IL16: variants seen among roughly 807,000 people sequenced by gnomAD.
The protein encoded by IL16 is interleukin 16.
A neutral mutation model predicts 110.1 loss-of-function variants in IL16; 67 were observed. That is an observed-to-expected ratio of 0.61 (90% confidence interval 0.50 to 0.75). The LOEUF is 0.75. Ranked by LOEUF, IL16 falls within the 30% of genes least tolerant of loss-of-function variation. The pLI is 0.00. For missense variants in IL16, 1,545 were observed against 1,655.0 expected, an observed-to-expected ratio of 0.93 and a Z score of 1.15; for synonymous variants, 689 against 662.9, an observed-to-expected ratio of 1.04 and a Z score of -0.61.
upstream of IL16, among the ~76,000 whole-genome samples, chr15:81,193,865 A>C (rs1895538147): frequency 6.6e-6 from 1 of 152,208 alleles, no homozygotes; most frequent in African/African-American, 2.4e-5. Flanking sequence ...AAATGCAGAG[A>C]GAATTTATTA....
At chr15:81,191,211 G>A (rs1330699000) in intron 1 of IL16, among the ~76,000 whole-genome samples, 1 of 152,214 alleles carries the variant, frequency 6.6e-6, no homozygotes, top group Non-Finnish European at 1.5e-5. Flanking sequence ...TAACCGGAGG[G>A]TCATGAATGC....
intron 3 of IL16, among the ~76,000 whole-genome samples, chr15:81,262,984 A>G (rs903842682): frequency 1.9e-4 from 29 of 152,074 alleles, no homozygotes; most frequent in African/African-American, 5.6e-4. Context: ...GATCATATTT[A>G]TTTTTACTTA....
intron 10 of IL16, among the ~76,000 whole-genome samples, chr15:81,287,859 G>A (rs1469561251): frequency 6.6e-6 from 1 of 152,192 alleles, no homozygotes; most frequent in Non-Finnish European, 1.5e-5. Context: ...TCTTAATTAA[G>A]GCAAACAAAT....
At chr15:81,306,380 G>T in intron 17 of IL16, 40 bp from the exon 18 acceptor site, 1 of 1,609,030 alleles carries the variant, frequency 6.2e-7, no homozygotes, top group Admixed American at 1.7e-5. Context: ...TGGCCTGGGA[G>T]AGGAGAGGAT....
chr15:81,279,500 TTTC>T, intron 7 of IL16, 55 bp from the exon 8 acceptor site: 1 of 1,256,514 alleles, frequency 8.0e-7, no homozygotes, highest in Non-Finnish European at 1.1e-6. Flanking sequence ...TTAAACAGTA[TTTC>T]TTCATCTCAC....
intron 3 of IL16, among the ~76,000 whole-genome samples, chr15:81,263,294 A>G (rs1596006937): frequency 6.6e-6 from 1 of 151,094 alleles, no homozygotes. Flanking sequence ...TAGCTCTAAT[A>G]TAGCTTTTTT....
At chr15:81,306,722 T>C in intron 18 of IL16, 177 bp downstream of exon 18, 1 of 751,174 alleles carries the variant, frequency 1.3e-6, no homozygotes. Flanking sequence ...TCTCCTTTGC[T>C]CAGACATCCC....
intron 14 of IL16, 36 bp downstream of exon 14, chr15:81,300,511 C>T (rs758767718): frequency 7.3e-7 from 1 of 1,363,788 alleles, no homozygotes; most frequent in Non-Finnish European, 1.0e-6. Flanking sequence ...CTTTACCTTT[C>T]TCATCTTTTT....
Position 81,296,940 on chromosome 15 carries a change from C to G in IL16, c.1915C>G (p.Leu639Val). The change falls in exon 13 of 19, where the codon CTG becomes GTG. Residue 639 changes from leucine to valine, a missense_variant. Leu to Val is a conservative substitution (Grantham distance 32). Coordinates refer to ENST00000683961, the MANE Select transcript of IL16 (RefSeq NM_172217.5). ...PPTCGQEARE[L>V]LPLLLPQEDT... ...GTTTACACCACAGGAAGCGAGAGAGCTGCTGCCACTGCTGCTACCACAGGA... is the reference window on the plus strand; with the variant it reads ...GTTTACACCACAGGAAGCGAGAGAGGTGCTGCCACTGCTGCTACCACAGGA... The G allele has an allele frequency of 1.2e-6, 2 of 1,610,856 alleles. No individual in the cohort carries two copies. Among genetic ancestry groups the G allele is most frequent in the Non-Finnish European group, 1.7e-6 (2 of 1,178,606 alleles).
intron 5 of IL16, among the ~76,000 whole-genome samples, chr15:81,272,114 C>T (rs1898668654): frequency 6.6e-6 from 1 of 152,208 alleles, no homozygotes; most frequent in Non-Finnish European, 1.5e-5. Flanking sequence ...TGAGCACCTG[C>T]CTGAGGCCAG....
intron 2 of IL16, among the ~76,000 whole-genome samples, chr15:81,241,513 A>T (rs1897336309): frequency 6.6e-6 from 1 of 152,152 alleles, no homozygotes; most frequent in South Asian, 2.1e-4. Flanking sequence ...TCATTAGATT[A>T]GTTCCCAGGC....
rs1900703642 is a variant in IL16, at chr15:81,308,784, G to T, written c.3985G>T (p.Ala1329Ser). The change falls in exon 19 of 19, where the codon GCT (alanine) becomes TCT (serine). Residue 1329 changes from alanine (A) to serine (S), a missense_variant. By Grantham distance (99) the Ala-to-Ser change is moderately conservative. Around this residue, in one of 3 missense-constraint regions of IL16, gnomAD observed 356 missense variants for 399.3 expected, o/e 0.89. Transcript: ENST00000683961. Reference sequence around the variant, plus strand: ...CCTCCAGTCCAAGGAAACCACAGCTGCTGGAGACTCCTAGGCAGGACATGC... The same window carrying T: ...CCTCCAGTCCAAGGAAACCACAGCTTCTGGAGACTCCTAGGCAGGACATGC... ...KSLQSKETTAAGDS is the reference protein window; with the variant it reads ...KSLQSKETTASGDS The T allele has an allele frequency of 1.2e-6, 2 of 1,612,852 alleles. No homozygotes were observed. The highest frequency in any genetic ancestry group is 1.7e-6 in the Non-Finnish European group (2 of 1,179,710).
At chr15:81,271,279 A>G (rs2142244983) in intron 5 of IL16, among the ~76,000 whole-genome samples, 1 of 150,134 alleles carries the variant, frequency 6.7e-6, no homozygotes, top group African/African-American at 2.4e-5. Flanking sequence ...AAAATAAATT[A>G]AATAAAATAA....
At chr15:81,296,568 C>A (rs556342965) in intron 12 of IL16, among the ~76,000 whole-genome samples, 26 of 152,310 alleles carry the variant, frequency 1.7e-4, no homozygotes, top group African/African-American at 6.0e-4. Flanking sequence ...CTGCCCTATA[C>A]CCTCCCGGGG....
chr15:81,290,438 A>T lies in IL16; in HGVS notation c.1333-15A>T. ...CTTCTACTGTTTGTTTGAGGAGATG[A>T]CTGATATTTTCTAGGTCTCTGAACA... is the stretch of plus-strand genomic sequence containing the variant. On this transcript the variant is annotated splice_polypyrimidine_tract_variant and intron_variant, in intron 10 of 18. Coordinates refer to ENST00000683961, the MANE Select transcript of IL16 (RefSeq NM_172217.5). 1 of 1,597,744 alleles carries T rather than the reference A, an allele frequency of 6.3e-7. No individual in the cohort carries two copies. Among genetic ancestry groups the T allele is most frequent in the Non-Finnish European group, 8.6e-7 (1 of 1,168,790 alleles).
intron 1 of IL16, among the ~76,000 whole-genome samples, chr15:81,185,398 C>T (rs534449867): frequency 6.6e-6 from 1 of 150,598 alleles, no homozygotes; most frequent in Non-Finnish European, 1.5e-5. Flanking sequence ...ATCTGTCGCC[C>T]AGGCTAGAGT....
At position 81,292,852 on chromosome 15, in the gene IL16, CG is replaced by C; in HGVS notation, c.1720del (p.Asp574ThrfsTer6). 1 of 1,613,580 alleles carries C rather than the reference CG, an allele frequency of 6.2e-7. No individual in the cohort carries two copies. The highest frequency in any genetic ancestry group is 1.3e-5 in the African/African-American group (1 of 74,988). On this transcript the variant is annotated frameshift_variant, in exon 12 of 19. Transcript: ENST00000683961. LOFTEE classifies it high-confidence loss of function. ...GGAGAGCCCACCCCTCCCAGAGAGC[CG>C]GGACAGCCACCCGCCGCTGAGACTG... ...PQESPPLPES[R>X]DSHPPLRLKK...
intron 11 of IL16, among the ~76,000 whole-genome samples, chr15:81,291,287 C>CA (rs1899705754): frequency 6.6e-6 from 1 of 152,226 alleles, no homozygotes; most frequent in Admixed American, 6.5e-5. Context: ...ACCCACCCAA[C>CA]ATGCATATAT....
chr15:81,193,264 A>AG (rs1267761990), upstream of IL16, among the ~76,000 whole-genome samples: 2 of 152,048 alleles, frequency 1.3e-5, no homozygotes, highest in Admixed American at 6.6e-5. Flanking sequence ...ACATTTTATT[A>AG]GGGGGGGAAT....
Sources: allele counts gnomAD v4.1 joint callset (sites outside exome capture counted in the v4.1 genomes callset), GRCh38; gene constraint gnomAD v4.1.1; regional missense constraint gnomAD v4.1.1; transcripts MANE v1.5; gene names NCBI Gene and HGNC (gene_info 2026-07-23, HGNC 2026-07-21).